ABR: variants seen among roughly 807,000 people sequenced by gnomAD.
The protein encoded by ABR is active breakpoint cluster region-related protein.
Under a neutral mutation model 107.2 loss-of-function variants are expected in ABR, and 35 were observed. The observed-to-expected ratio is 0.33, with a 90% CI of 0.25 to 0.43. The LOEUF (loss-of-function observed/expected upper bound fraction) is 0.43. ABR is among the 20% of genes least tolerant of loss of function. The pLI is 1.00. For synonymous variants in ABR, 498 were observed against 462.0 expected (o/e 1.08, Z -1.00); for missense variants, 815 against 1,115.2 (o/e 0.73, Z 3.83).
intron 1 of ABR, among the ~76,000 whole-genome samples, chr17:1,208,997 C>T (rs2042852489): frequency 1.3e-5 from 2 of 151,944 alleles, no homozygotes; most frequent in Admixed American, 6.6e-5. Context: ...CACCTGTTTG[C>T]TAGCCTAGTA....
At chr17:1,156,514 T>C (rs2041049417) in intron 1 of ABR, among the ~76,000 whole-genome samples, 3 of 151,986 alleles carry the variant, frequency 2.0e-5, no homozygotes, top group Admixed American at 6.6e-5. Flanking sequence ...TGAAAACTCG[T>C]CTCTACTAAA....
chr17:1,227,348 C>T (rs918382613), intron 1 of ABR, among the ~76,000 whole-genome samples: 2 of 152,116 alleles, frequency 1.3e-5, no homozygotes, highest in African/African-American at 4.8e-5. Context: ...CAGCTGGGGC[C>T]AGTTGGGTAG....
intron 18 of ABR, 46 bp downstream of exon 18, chr17:1,012,642 C>T: frequency 6.9e-7 from 1 of 1,454,356 alleles, no homozygotes; most frequent in Non-Finnish European, 9.4e-7. Flanking sequence ...CTGGGGGGGA[C>T]CCGGGGCACC....
intron 1 of ABR, among the ~76,000 whole-genome samples, chr17:1,197,569 T>G (rs532809051): frequency 6.6e-6 from 1 of 151,720 alleles, no homozygotes; most frequent in South Asian, 2.1e-4. Context: ...CTGCATGAGT[T>G]ATTTTCCCAG....
intron 2 of ABR, among the ~76,000 whole-genome samples, chr17:1,115,596 G>C (rs2038946017): frequency 6.6e-6 from 1 of 152,216 alleles, no homozygotes; most frequent in Admixed American, 6.5e-5. Context: ...TCTAGTACAG[G>C]TCACTCCAAA....
At chr17:1,068,909 A>G (rs779621212) in intron 9 of ABR, among the ~76,000 whole-genome samples, 4 of 152,236 alleles carry the variant, frequency 2.6e-5, no homozygotes, top group Non-Finnish European at 4.4e-5. Flanking sequence ...GAAATCATGT[A>G]TTCAAAGCAT....
chr17:1,109,131 G>A (rs2038479435), intron 2 of ABR: 4 of 1,524,024 alleles, frequency 2.6e-6, no homozygotes, highest in Admixed American at 2.0e-5. Flanking sequence ...GCGGGAGGAG[G>A]GAGGAGGGAG....
intron 5 of ABR, among the ~76,000 whole-genome samples, chr17:1,081,986 A>G (rs2036266473): frequency 6.6e-6 from 1 of 151,606 alleles, no homozygotes; most frequent in African/African-American, 2.4e-5. Flanking sequence ...TGAAGGTGAC[A>G]TGTTCATCTC....
At chr17:1,183,936 C>T (rs1418753249), upstream of ABR, among the ~76,000 whole-genome samples, 3 of 152,182 alleles carry the variant, frequency 2.0e-5, no homozygotes, top group Non-Finnish European at 4.4e-5. Context: ...ACTGGCCAGG[C>T]GCGGTGGCTC....
Position 1,067,110 on chromosome 17 carries a change from C to T in ABR, c.1149G>A (p.Lys383=). The change falls in exon 10 of 23, where the codon AAG becomes AAA. Residue 383 remains lysine (K), a synonymous_variant. Coordinates refer to ENST00000302538, the MANE Select transcript of ABR (RefSeq NM_021962.5). The part of the protein sequence containing the change: ...PDHELEDMKM[K]ISALKSEIQK... ...GGATTTCACTCTTGAGGGCAGAGATCTTCATCTTCATGTCCTCCAGCTCAT... is the reference window on the plus strand; with the variant it reads ...GGATTTCACTCTTGAGGGCAGAGATTTTCATCTTCATGTCCTCCAGCTCAT... The T allele has an allele frequency of 6.2e-7, 1 of 1,613,714 alleles. No individual in the cohort carries two copies. Among genetic ancestry groups the T allele is most frequent in the Non-Finnish European group, 8.5e-7 (1 of 1,179,816 alleles).
chr17:1,186,218 T>TATGA (rs1393524898), intron 1 of ABR, among the ~76,000 whole-genome samples: 1 of 152,220 alleles, frequency 6.6e-6, no homozygotes, highest in African/African-American at 2.4e-5. Flanking sequence ...CAGTGTCACC[T>TATGA]GTAAGGGTGA....
chr17:1,026,984 TC>T (rs1419077960), intron 16 of ABR, among the ~76,000 whole-genome samples: 1 of 148,676 alleles, frequency 6.7e-6, no homozygotes, highest in Non-Finnish European at 1.5e-5. Context: ...GGGGGCTCCT[TC>T]CAAAATGCCT....
At chr17:1,109,436 C>G (rs1016609592) in intron 2 of ABR, among the ~76,000 whole-genome samples, 1 of 151,996 alleles carries the variant, frequency 6.6e-6, no homozygotes, top group African/African-American at 2.4e-5. Flanking sequence ...GCTCCGAACA[C>G]ACAGGAAACG....
At chr17:1,022,808 A>G (rs1597406727) in intron 16 of ABR, among the ~76,000 whole-genome samples, 2 of 152,366 alleles carry the variant, frequency 1.3e-5, no homozygotes, top group East Asian at 3.9e-4. Context: ...GCTCGGGCTG[A>G]TGCCGTGTCC....
intron 1 of ABR, among the ~76,000 whole-genome samples, chr17:1,220,418 GA>G (rs2043098953): frequency 6.6e-6 from 1 of 152,216 alleles, no homozygotes; most frequent in South Asian, 2.1e-4. Flanking sequence ...GGGAAGACAG[GA>G]ACAGGATCGC....
chr17:1,206,267 C>A (rs553049108), intron 1 of ABR, among the ~76,000 whole-genome samples: 1 of 152,212 alleles, frequency 6.6e-6, no homozygotes, highest in African/African-American at 2.4e-5. Context: ...AGTGTAACTG[C>A]CACGTGACTG....
At chr17:1,139,682 G>T (rs2040216264) in intron 1 of ABR, among the ~76,000 whole-genome samples, 1 of 152,190 alleles carries the variant, frequency 6.6e-6, no homozygotes, top group Non-Finnish European at 1.5e-5. Context: ...GAAAGCGCAG[G>T]GAGTTAAGTT....
intron 2 of ABR, among the ~76,000 whole-genome samples, chr17:1,122,974 C>A (rs1177052481): frequency 6.6e-6 from 1 of 152,206 alleles, no homozygotes; most frequent in African/African-American, 2.4e-5. Context: ...CAGCAGGAAG[C>A]CTGGTAGGGG....
chr17:1,072,861 C>A (rs1204208321), intron 7 of ABR, 107 bp from the exon 8 acceptor site: 6 of 1,394,642 alleles, frequency 4.3e-6, no homozygotes, highest in Non-Finnish European at 2.8e-6. Flanking sequence ...CAGGGACCTG[C>A]CTAATTCCCG....
Sources: allele counts gnomAD v4.1 joint callset (sites outside exome capture counted in the v4.1 genomes callset), GRCh38; gene constraint gnomAD v4.1.1; transcripts MANE v1.5; gene names NCBI Gene and HGNC (gene_info 2026-07-23, HGNC 2026-07-21).